The following FOXP2 variants were observed in gnomAD, a reference collection of about 807,000 sequenced individuals.
The protein encoded by FOXP2 is forkhead box protein P2.
Under a neutral mutation model 115.8 loss-of-function variants are expected in FOXP2, and 12 were observed. The ratio of observed to expected loss-of-function variants is 0.10; its 90% CI spans 0.07 to 0.17. The LOEUF is 0.17. Among genes scored for constraint, FOXP2 ranks in the 10% least tolerant of loss-of-function variants. The probability of loss-of-function intolerance (pLI) is 1.00; values close to 1 mark genes in which losing one functional copy is unlikely to be tolerated. For missense variants in FOXP2, 629 were observed against 843.5 expected (o/e 0.75, Z 3.15); for synonymous variants, 328 against 297.7 (o/e 1.10, Z -1.05).
chr7:114,572,322 C>T (rs1801347565), intron 3 of FOXP2, among the ~76,000 whole-genome samples: 2 of 151,340 alleles, frequency 1.3e-5, no homozygotes, highest in African/African-American at 4.8e-5. Flanking sequence ...CCTGAAATTA[C>T]CTGGTTTGTG....
intron 1 of FOXP2, among the ~76,000 whole-genome samples, chr7:114,245,864 T>G (rs1197183951): frequency 2.0e-5 from 3 of 152,146 alleles, no homozygotes; most frequent in African/African-American, 7.2e-5. Flanking sequence ...CTTGCGTATT[T>G]CATTTTCTGA....
chr7:114,451,990 A>AT (rs1795095532), intron 2 of FOXP2, among the ~76,000 whole-genome samples: 2 of 152,096 alleles, frequency 1.3e-5, no homozygotes, highest in South Asian at 4.1e-4. Flanking sequence ...ATAAGCTGAA[A>AT]TTGGAATTCC....
At chr7:114,538,052 G>C (rs1023816179) in intron 3 of FOXP2, among the ~76,000 whole-genome samples, 2 of 151,478 alleles carry the variant, frequency 1.3e-5, no homozygotes, top group Non-Finnish European at 3.0e-5. Context: ...TATGTTCATA[G>C]TGATCCATAA....
At chr7:114,247,409 G>A (rs1795312793) in intron 1 of FOXP2, among the ~76,000 whole-genome samples, 1 of 152,140 alleles carries the variant, frequency 6.6e-6, no homozygotes, top group Non-Finnish European at 1.5e-5. Flanking sequence ...CAGACAGATG[G>A]GTGCTAACCT....
At chr7:114,520,847 C>T (rs971475241) in intron 2 of FOXP2, among the ~76,000 whole-genome samples, 9 of 152,168 alleles carry the variant, frequency 5.9e-5, no homozygotes, top group African/African-American at 2.2e-4. Flanking sequence ...TGACTATAAT[C>T]ATTCTGAAAA....
chr7:114,671,166 T>C (rs1238592015), intron 16 of FOXP2, among the ~76,000 whole-genome samples: 1 of 152,144 alleles, frequency 6.6e-6, no homozygotes, highest in African/African-American at 2.4e-5. Flanking sequence ...TGTACGGAAC[T>C]TATGATTATG....
chr7:114,591,405 C>T (rs529787954), intron 3 of FOXP2, among the ~76,000 whole-genome samples: 2 of 152,114 alleles, frequency 1.3e-5, no homozygotes, highest in East Asian at 3.9e-4. Flanking sequence ...AAGTTAGTGG[C>T]AGGCTATAGT....
At chr7:114,374,907 T>C (rs1792104653) in intron 2 of FOXP2, among the ~76,000 whole-genome samples, 1 of 152,124 alleles carries the variant, frequency 6.6e-6, no homozygotes. Flanking sequence ...ATTGGGTTGC[T>C]CAGGAGAGTT....
At chr7:114,629,089 G>A (rs1804751221) in intron 4 of FOXP2, 1 of 188,708 alleles carries the variant, frequency 5.3e-6, no homozygotes, top group Non-Finnish European at 1.1e-5. Context: ...TTGTTAAAAT[G>A]GAGAAAGTAA....
chr7:114,425,956 A>G (rs889751759), intron 1 of FOXP2, among the ~76,000 whole-genome samples: 1 of 151,668 alleles, frequency 6.6e-6, no homozygotes, highest in African/African-American at 2.4e-5. Flanking sequence ...AAAAAAAGAA[A>G]CCCATTATAC....
chr7:114,258,381 A>G (rs7783501), intron 1 of FOXP2, among the ~76,000 whole-genome samples: 2,960 of 152,310 alleles, frequency 0.019, 88 homozygotes, highest in African/African-American at 0.059. Context: ...GGAGTTGACC[A>G]ATTATGTCAA....
chr7:114,329,684 A>C (rs928082929), intron 2 of FOXP2, among the ~76,000 whole-genome samples: 6 of 93,362 alleles, frequency 6.4e-5, no homozygotes, highest in Non-Finnish European at 1.4e-4. Context: ...TTATTTATTT[A>C]TTTATTTTAT....
chr7:114,580,858 T>C (rs1262093633), intron 3 of FOXP2, among the ~76,000 whole-genome samples: 1 of 151,866 alleles, frequency 6.6e-6, no homozygotes, highest in Admixed American at 6.6e-5. Context: ...TAGCACTGAG[T>C]TGGAGATGAT....
At position 114,286,147 on chromosome 7, in the gene FOXP2, A is replaced by C. The variant is rs1355572858; in HGVS notation, c.-101-1872A>C. Among the ~76,000 whole-genome samples, 6 of 152,048 alleles carry C rather than the reference A, an allele frequency of 3.9e-5. No individual in the cohort carries two copies. The East Asian group carries it at 1.2e-3, about 29-fold the overall frequency. On this transcript the variant is annotated intron_variant, in intron 1 of 17. Coordinates refer to the FOXP2 transcript ENST00000634411. ...TAGATCAGTTTTTGCTCTATACAGT[A>C]AGCCAACACCAGTATTTTCTTTTAC... is the stretch of plus-strand genomic sequence containing the variant.
chr7:114,448,059 C>T lies in FOXP2; in HGVS notation c.168+21380C>T, dbSNP rs186870719. On this transcript the variant is annotated intron_variant, in intron 2 of 16. Coordinates refer to ENST00000350908, the MANE Select transcript of FOXP2 (RefSeq NM_014491.4). ...GAGTATAAAATAAATTTTAAGTGGC[C>T]AAGTTCATTGCAACGTCCATATAGT... Among the ~76,000 whole-genome samples the T allele has an allele frequency of 1.5e-3, 230 of 152,086 alleles. 1 individual carries two copies. The highest frequency in any genetic ancestry group is 4.8e-3 in the African/African-American group (200 of 41,504).
intron 2 of FOXP2, among the ~76,000 whole-genome samples, chr7:114,313,034 C>T (rs1322162334): frequency 6.6e-6 from 1 of 152,146 alleles, no homozygotes; most frequent in African/African-American, 2.4e-5. Flanking sequence ...TATAACCTAC[C>T]ATTTTTGTGA....
chr7:114,446,210 AAG>A (rs1794830365), intron 2 of FOXP2, among the ~76,000 whole-genome samples: 1 of 152,064 alleles, frequency 6.6e-6, no homozygotes, highest in African/African-American at 2.4e-5. Context: ...TACAATTCTA[AAG>A]TCCCTGCAAA....
In FOXP2 at chr7:114,346,739, G is replaced by T. The variant is rs1791357975; in HGVS notation, c.-11+58630G>T. 2.0e-5 allele frequency among the ~76,000 whole-genome samples: 3 copies of T among 151,676 alleles called. No homozygotes were observed. The South Asian group carries it at 6.2e-4, about 31-fold the overall frequency. On this transcript the variant is annotated intron_variant, in intron 2 of 17. Transcript: ENST00000634411. ...AATCTAAAAAGAGAAAAAAAACCTG[G>T]TATCATAGAAGCAGAGACTAGAACA... is the stretch of plus-strand genomic sequence containing the variant.
intron 13 of FOXP2, among the ~76,000 whole-genome samples, chr7:114,660,262 G>GC (rs1461482093): frequency 1.3e-5 from 2 of 152,120 alleles, no homozygotes; most frequent in Non-Finnish European, 2.9e-5. Flanking sequence ...CTTACAAGGA[G>GC]CTAAAAAAAA....
Sources: gnomAD v4.1 joint callset for allele counts (sites outside exome capture counted in the v4.1 genomes callset) on GRCh38, gnomAD v4.1.1 for gene constraint, MANE v1.5 for transcripts, NCBI Gene and HGNC (gene_info 2026-07-23, HGNC 2026-07-21) for gene names.